MRC1: variants seen among roughly 807,000 people sequenced by gnomAD.
MRC1 encodes macrophage mannose receptor 1.
MRC1 carries 62 observed loss-of-function variants against 102.9 expected under a neutral mutation model. That is an observed-to-expected ratio of 0.60 (90% CI 0.49 to 0.74). The LOEUF is 0.74. Ranked by LOEUF, MRC1 falls within the 30% of genes least tolerant of loss-of-function variation. The pLI is 0.00. For synonymous variants in MRC1, 457 were observed against 298.4 expected, an observed-to-expected ratio of 1.53 and a Z score of -5.48; for missense variants, 1,237 against 862.8, an observed-to-expected ratio of 1.43 and a Z score of -5.43.
chr10:17,880,691 A>C (rs1554842368), intron 20 of MRC1, 21 bp downstream of exon 20: 2 of 780,742 alleles, frequency 2.6e-6, no homozygotes. Flanking sequence ...AATTAGTTGC[A>C]ATCTTGGCAC....
At chr10:17,827,350 A>G in intron 2 of MRC1, among the ~76,000 whole-genome samples, 192 bp from the exon 3 acceptor site, 1 of 140,720 alleles carries the variant, frequency 7.1e-6, no homozygotes, top group Non-Finnish European at 1.5e-5. Context: ...ACTAGGGTAG[A>G]AGGAGAAGGA....
intron 4 of MRC1, among the ~76,000 whole-genome samples, chr10:17,838,469 G>A (rs1267744406): frequency 2.0e-5 from 3 of 151,584 alleles, no homozygotes; most frequent in Non-Finnish European, 2.9e-5. Context: ...ACTGAAATAA[G>A]ATATAGGAAG....
chr10:17,844,969 T>A (rs2130633212), intron 5 of MRC1: 1 of 524,472 alleles, frequency 1.9e-6, no homozygotes, highest in Non-Finnish European at 3.7e-6. Flanking sequence ...CTCTCTTTGA[T>A]AATGTAATCC....
At chr10:17,841,717 C>A (rs1838753615) in intron 5 of MRC1, among the ~76,000 whole-genome samples, 1 of 151,246 alleles carries the variant, frequency 6.6e-6, no homozygotes, top group African/African-American at 2.4e-5. Flanking sequence ...TCAATCCCCA[C>A]CCCTCAATCC....
In MRC1 at chr10:17,910,282, C is replaced by T; in HGVS notation, c.4188C>T (p.Ile1396=). The change falls in exon 30 of 30, where the codon ATC becomes ATT. Residue 1396 remains isoleucine (I), a synonymous_variant. Transcript: ENST00000569591. ...SNVAGVVIIV[I]LLILTGAGLA... The stretch of plus-strand genomic sequence containing the variant: ...TGGCCGGAGTAGTCATCATTGTGAT[C>T]CTCCTGATTTTAACGGGTGCTGGCC... 1.3e-6 allele frequency: 1 copy of T among 780,846 alleles called. No individual in the cohort carries two copies. Among genetic ancestry groups the T allele is most frequent in the Non-Finnish European group, 2.4e-6 (1 of 417,954 alleles). 48.4% of individuals were successfully genotyped at this position (780,846 alleles called of 1,614,324 possible). A position where few individuals can be genotyped will look rare whatever the true frequency, so the allele number is the denominator to read the frequency against.
At chr10:17,857,481 G>C (rs1177021375) in intron 9 of MRC1, among the ~76,000 whole-genome samples, 1 of 151,654 alleles carries the variant, frequency 6.6e-6, no homozygotes, top group Non-Finnish European at 1.5e-5. Context: ...CTAAAATCTT[G>C]ATAATAATCC....
At chr10:17,870,580 A>G (rs1023933411) in intron 13 of MRC1, among the ~76,000 whole-genome samples, 3 of 152,308 alleles carry the variant, frequency 2.0e-5, no homozygotes, top group Non-Finnish European at 4.4e-5. Context: ...GACTTGGTCT[A>G]TAAAAGTTCA....
chr10:17,859,899 G>A (rs1320058550), intron 9 of MRC1, among the ~76,000 whole-genome samples: 3 of 151,950 alleles, frequency 2.0e-5, no homozygotes, highest in East Asian at 3.9e-4. Flanking sequence ...GTTTTTTTCC[G>A]GTACTCAGAA....
intron 1 of MRC1, among the ~76,000 whole-genome samples, chr10:17,812,640 TG>T (rs1838242175): frequency 6.9e-6 from 1 of 145,976 alleles, no homozygotes; most frequent in Non-Finnish European, 1.5e-5. Flanking sequence ...GGTGTGATCT[TG>T]GCTCACTGCA....
chr10:17,838,324 G>A (rs1210292578), intron 4 of MRC1, among the ~76,000 whole-genome samples: 2 of 152,024 alleles, frequency 1.3e-5, no homozygotes, highest in East Asian at 1.9e-4. Flanking sequence ...CTGGCAACAC[G>A]TTTGCACACT....
chr10:17,810,398 G>T (rs1240064470), intron 1 of MRC1, among the ~76,000 whole-genome samples: 1 of 152,070 alleles, frequency 6.6e-6, no homozygotes, highest in African/African-American at 2.4e-5. Context: ...TTGTGCCTAC[G>T]ATCTACTCTA....
rs2130675590 is a variant in MRC1 at position 17,870,472 on chromosome 10, C to G, written c.2111+99C>G. On this transcript the variant is annotated intron_variant, in intron 13 of 29. Coordinates refer to ENST00000569591, the MANE Select transcript of MRC1 (RefSeq NM_002438.4). ...TTTCTGAAATTGTTGTCTCAGGATG[C>G]TAGTTTGAGCACCTGTATCATCTCC... 3 of 775,178 alleles carry G rather than the reference C, an allele frequency of 3.9e-6. No homozygotes were observed. The East Asian group carries it at 7.3e-5, about 19-fold the overall frequency. 48.0% of individuals were successfully genotyped at this position (775,178 alleles called of 1,614,324 possible).
intron 1 of MRC1, among the ~76,000 whole-genome samples, chr10:17,821,488 G>A (rs552825604): frequency 3.3e-5 from 5 of 152,224 alleles, no homozygotes; most frequent in African/African-American, 1.2e-4. Context: ...CACCAGACTG[G>A]ATGTTGCTAT....
intron 11 of MRC1, chr10:17,865,618 G>T (rs1833254288): frequency 6.6e-6 from 1 of 152,396 alleles, no homozygotes; most frequent in African/African-American, 2.4e-5. Context: ...AGTGGGCAAG[G>T]AGCCTGGGGC....
chr10:17,885,545 T>G (rs878939841), intron 22 of MRC1, 110 bp downstream of exon 22: 631,253 of 715,258 alleles, frequency 0.88, 279,234 homozygotes, highest in Non-Finnish European at 0.91. Context: ...CCTTGATCTG[T>G]TCTATGCTTG....
chr10:17,891,679 A>G (rs939475946), intron 22 of MRC1, among the ~76,000 whole-genome samples: 98 of 152,290 alleles, frequency 6.4e-4, no homozygotes, highest in African/African-American at 2.2e-3. Flanking sequence ...GTGAGGTTTC[A>G]TGTTTACTTA....
In MRC1 at chr10:17,894,746, C is replaced by G. The variant is rs1589194573; in HGVS notation, c.3250+434C>G. On this transcript the variant is annotated intron_variant, in intron 23 of 29. Coordinates refer to ENST00000569591, the MANE Select transcript of MRC1 (RefSeq NM_002438.4). ...TACTTTAAGTTCCAGGATACATGTACAGAACATGCAGGTTTGTTATATAGG... is the reference window on the plus strand; with the variant it reads ...TACTTTAAGTTCCAGGATACATGTAGAGAACATGCAGGTTTGTTATATAGG... Among the ~76,000 whole-genome samples the G allele has an allele frequency of 2.0e-5, 3 of 152,186 alleles. No individual in the cohort carries two copies. The East Asian group carries it at 5.8e-4, about 29-fold the overall frequency.
At chr10:17,809,923 CTG>C (rs1164763933) in intron 1 of MRC1, among the ~76,000 whole-genome samples, 1 of 152,196 alleles carries the variant, frequency 6.6e-6, no homozygotes, top group Non-Finnish European at 1.5e-5. Context: ...CTGAGTGTCT[CTG>C]GCTGGAAGGA....
chr10:17,849,124 G>C (rs1197270098), intron 6 of MRC1, among the ~76,000 whole-genome samples: 1 of 152,038 alleles, frequency 6.6e-6, no homozygotes, highest in Non-Finnish European at 1.5e-5. Context: ...TCTTGTTGTA[G>C]ATATAACTTT....
Sources: gnomAD v4.1 joint callset for allele counts (sites outside exome capture counted in the v4.1 genomes callset) on GRCh38, gnomAD v4.1.1 for gene constraint, MANE v1.5 for transcripts, NCBI Gene and HGNC (gene_info 2026-07-23, HGNC 2026-07-21) for gene names.